The following DPP10 variants were observed in gnomAD, a reference collection of about 807,000 sequenced individuals.
The protein encoded by DPP10 is inactive dipeptidyl peptidase 10.
DPP10 carries 33 observed loss-of-function variants against 120.9 expected under a neutral mutation model. That is an observed-to-expected ratio of 0.27 (90% CI 0.21 to 0.37). The LOEUF is 0.37. Ranked by LOEUF, DPP10 falls within the 10% of genes least tolerant of loss-of-function variation. The probability of loss-of-function intolerance (pLI) is 1.00; values close to 1 mark genes in which losing one functional copy is unlikely to be tolerated. For synonymous variants in DPP10, 337 were observed against 326.1 expected (o/e 1.03, Z -0.36); for missense variants, 816 against 942.8 (o/e 0.87, Z 1.76).
intron 1 of DPP10, among the ~76,000 whole-genome samples, chr2:114,824,145 G>T (rs1189265174): frequency 6.6e-6 from 1 of 152,124 alleles, no homozygotes; most frequent in Non-Finnish European, 1.5e-5. Context: ...AATGAAGAGG[G>T]GAATAAATGG....
In DPP10 at chr2:115,325,751, T is replaced by C. The variant is rs148131920; in HGVS notation, c.175+16398T>C. ...AACAAAAAAAGCAAAATAAATGGTATTGTTTCACATTTTTACAAATGTATT... is the reference window on the plus strand; with the variant it reads ...AACAAAAAAAGCAAAATAAATGGTACTGTTTCACATTTTTACAAATGTATT... On this transcript the variant is annotated intron_variant, in intron 2 of 25. Transcript: ENST00000410059. Among the ~76,000 whole-genome samples the C allele has an allele frequency of 4.2e-3, 647 of 152,262 alleles. 2 individuals carry two copies. The highest frequency in any genetic ancestry group is 0.014 in the African/African-American group (572 of 41,548).
At chr2:114,806,866 C>T (rs1684772746) in intron 1 of DPP10, among the ~76,000 whole-genome samples, 1 of 152,092 alleles carries the variant, frequency 6.6e-6, no homozygotes, top group Admixed American at 6.5e-5. Context: ...CTATCTAACC[C>T]AACAGGAAAT....
chr2:115,265,935 C>A (rs758736353), intron 1 of DPP10, among the ~76,000 whole-genome samples: 1 of 142,042 alleles, frequency 7.0e-6, no homozygotes, highest in Non-Finnish European at 1.5e-5. Context: ...TGGAGCGAGA[C>A]TCTATTTCAA....
intron 1 of DPP10, among the ~76,000 whole-genome samples, chr2:114,812,036 A>G (rs912378483): frequency 6.6e-6 from 1 of 152,100 alleles, no homozygotes; most frequent in African/African-American, 2.4e-5. Context: ...CGAGTTTCCA[A>G]CCTGAAGTCA....
In DPP10 at chr2:115,291,505, T is replaced by C. The variant is rs549727310; in HGVS notation, c.61-17734T>C. On this transcript the variant is annotated intron_variant, in intron 1 of 25. Coordinates refer to ENST00000410059, the MANE Select transcript of DPP10 (RefSeq NM_020868.6). The stretch of plus-strand genomic sequence containing the variant: ...GTGTTTTGTCTTTCATCTTTAAATA[T>C]TGAATGAAGCACAGTTCTGCTAGAT... Among the ~76,000 whole-genome samples the C allele has an allele frequency of 3.3e-5, 5 of 152,270 alleles. No individual in the cohort carries two copies. In the South Asian group the frequency reaches 1.0e-3, roughly 32 times the overall value.
intron 3 of DPP10, among the ~76,000 whole-genome samples, chr2:115,480,285 A>G (rs762526642): frequency 2.6e-5 from 4 of 152,166 alleles, no homozygotes; most frequent in Non-Finnish European, 4.4e-5. Flanking sequence ...ATTAAATGAG[A>G]TAAGTATAAA....
At position 115,838,079 on chromosome 2, in the gene DPP10, A is replaced by C. The variant is rs556238021; in HGVS notation, c.2182+1333A>C. Among the ~76,000 whole-genome samples, 3 of 152,296 alleles carry C rather than the reference A, an allele frequency of 2.0e-5. No individual in the cohort carries two copies. In the South Asian group the frequency reaches 6.2e-4, roughly 32 times the overall value. ...AAAGTATATAATAATATAAGATGTT[A>C]ACAATGGGGAAACTGGAGGACGGGT... On this transcript the variant is annotated intron_variant, in intron 24 of 25. Transcript: ENST00000410059.
chr2:115,376,750 G>A lies in DPP10; in HGVS notation c.271+32838G>A, dbSNP rs532033685. On this transcript the variant is annotated intron_variant, in intron 3 of 25. Coordinates refer to ENST00000410059, the MANE Select transcript of DPP10 (RefSeq NM_020868.6). Reference sequence around the variant, plus strand: ...CAGAGTGTGATGTTCCTCTTCCTGTGTCCATGTGTTCTCATTGTTCAATTC... The same window carrying A: ...CAGAGTGTGATGTTCCTCTTCCTGTATCCATGTGTTCTCATTGTTCAATTC... Among the ~76,000 whole-genome samples the A allele has an allele frequency of 2.1e-5, 3 of 144,596 alleles. No homozygotes were observed. The South Asian group carries it at 6.6e-4, about 32-fold the overall frequency. 94.9% of individuals were successfully genotyped at this position (144,596 alleles called of 152,430 possible). A position where few individuals can be genotyped will look rare whatever the true frequency, so the allele number is the denominator to read the frequency against.
At chr2:115,351,088 C>G (rs1367724511) in intron 3 of DPP10, among the ~76,000 whole-genome samples, 2 of 152,052 alleles carry the variant, frequency 1.3e-5, no homozygotes, top group East Asian at 3.9e-4. Context: ...CTTTGCAGCA[C>G]TATTCATAAT....
chr2:115,716,915 T>A (rs1358217392), intron 7 of DPP10, among the ~76,000 whole-genome samples: 2 of 152,230 alleles, frequency 1.3e-5, no homozygotes, highest in Non-Finnish European at 2.9e-5. Flanking sequence ...AACCCACTGA[T>A]AAGCATATGA....
intron 1 of DPP10, among the ~76,000 whole-genome samples, chr2:115,205,248 C>T (rs1003821558): frequency 5.9e-5 from 9 of 152,102 alleles, no homozygotes; most frequent in Non-Finnish European, 1.2e-4. Context: ...GTCTTTAATT[C>T]ATCTTGGGTT....
At chr2:115,406,933 A>C (rs1355442636) in intron 3 of DPP10, among the ~76,000 whole-genome samples, 1 of 152,244 alleles carries the variant, frequency 6.6e-6, no homozygotes, top group Non-Finnish European at 1.5e-5. Context: ...TGTTGTAGAA[A>C]AAACCGGGTT....
At chr2:115,044,104 T>C (rs879904068) in intron 1 of DPP10, among the ~76,000 whole-genome samples, 3 of 152,198 alleles carry the variant, frequency 2.0e-5, no homozygotes, top group Non-Finnish European at 4.4e-5. Flanking sequence ...TTGACTGTAA[T>C]CACTCTGTGT....
intron 5 of DPP10, among the ~76,000 whole-genome samples, chr2:115,597,323 A>G (rs2083051337): frequency 2.0e-5 from 3 of 152,184 alleles, no homozygotes; most frequent in African/African-American, 7.2e-5. Flanking sequence ...TCAAAGCCAA[A>G]GAGATCAGGT....
rs1050859237 is a variant in DPP10 at position 115,723,629 on chromosome 2, T to G, written c.577-4187T>G. ...TTGTTGTTGTTGTTTTTTGTTTTTT[T>G]TTTTTTTTACACGGCTAGGTCCCAG... On this transcript the variant is annotated intron_variant, in intron 7 of 25. Transcript: ENST00000410059. 1.6e-4 allele frequency among the ~76,000 whole-genome samples: 24 copies of G among 151,384 alleles called. 1 individual carries two copies. The highest frequency in any genetic ancestry group is 5.6e-4 in the African/African-American group (23 of 41,396).
intron 3 of DPP10, among the ~76,000 whole-genome samples, chr2:115,350,158 A>G (rs932792596): frequency 2.0e-5 from 3 of 152,054 alleles, no homozygotes; most frequent in Non-Finnish European, 2.9e-5. Flanking sequence ...TGGAAAACTA[A>G]ACAGCTGTAA....
intron 5 of DPP10, among the ~76,000 whole-genome samples, chr2:115,618,264 G>A (rs896362401): frequency 6.6e-6 from 1 of 152,136 alleles, no homozygotes; most frequent in Non-Finnish European, 1.5e-5. Flanking sequence ...TAAATAAAGA[G>A]TGAAAAGGCA....
chr2:115,040,862 T>A (rs1704585431), intron 1 of DPP10, among the ~76,000 whole-genome samples: 1 of 152,140 alleles, frequency 6.6e-6, no homozygotes, highest in Admixed American at 6.5e-5. Flanking sequence ...TTCACCCCTG[T>A]AATCCCAGCA....
chr2:115,288,169 G>A (rs1213609631), intron 1 of DPP10, among the ~76,000 whole-genome samples: 2 of 151,870 alleles, frequency 1.3e-5, no homozygotes, highest in African/African-American at 4.8e-5. Context: ...TACGACATCT[G>A]CACCAACATT....
Sources: gnomAD v4.1 joint callset for allele counts (sites outside exome capture counted in the v4.1 genomes callset) on GRCh38, gnomAD v4.1.1 for gene constraint, MANE v1.5 for transcripts, NCBI Gene and HGNC (gene_info 2026-07-23, HGNC 2026-07-21) for gene names.